FRYL: variants seen among roughly 807,000 people sequenced by gnomAD.
FRYL encodes FRY like transcription coactivator.
A neutral mutation model predicts 351.2 loss-of-function variants in FRYL; 150 were observed. The observed-to-expected ratio is 0.43, with a 90% CI of 0.37 to 0.49. The LOEUF is 0.49. Ranked by LOEUF, FRYL falls within the 20% of genes least tolerant of loss-of-function variation. The pLI is 0.00. For missense variants in FRYL, 3,036 were observed against 3,619.3 expected, an observed-to-expected ratio of 0.84 and a Z score of 4.13; for synonymous variants, 1,153 against 1,257.1, an observed-to-expected ratio of 0.92 and a Z score of 1.75.
chr4:48,718,093 G>GGAGT (rs1457475878), intron 1 of FRYL, among the ~76,000 whole-genome samples: 2 of 151,534 alleles, frequency 1.3e-5, no homozygotes, highest in African/African-American at 4.8e-5. Context: ...AGGGGAAAGG[G>GGAGT]GAGTCCTCTC....
intron 2 of FRYL, among the ~76,000 whole-genome samples, chr4:48,690,590 A>T (rs1053608475): frequency 4.6e-5 from 7 of 152,244 alleles, no homozygotes; most frequent in African/African-American, 1.7e-4. Flanking sequence ...CAAAAATTTC[A>T]ATTAATTCAT....
intron 48 of FRYL, 101 bp from the exon 49 acceptor site, chr4:48,534,786 A>T: frequency 1.4e-6 from 1 of 701,598 alleles, no homozygotes. Flanking sequence ...GATTTAGCCT[A>T]TGAGTTTATA....
chr4:48,499,587 C>G lies in FRYL; in HGVS notation c.8877G>C (p.Gln2959His), dbSNP rs766586479. The change falls in exon 64 of 64, where the codon CAG (glutamine) becomes CAC (histidine). Residue 2959 changes from glutamine to histidine, a missense_variant. This residue lies in a region of FRYL where 1,987 missense variants were observed against 2,311.7 expected (regional missense o/e 0.86). Coordinates refer to ENST00000358350, the MANE Select transcript of FRYL (RefSeq NM_015030.2). ...AGCCTATAACTGCAAAGCTTCCTGT[C>G]TGGCCCAGCGTCTGATGATGGAAAT... is the stretch of plus-strand genomic sequence containing the variant. Reference protein sequence around the residue: ...HIYFHHQTLGQTGSFAVIGSN... With the variant: ...HIYFHHQTLGHTGSFAVIGSN... 1 of 1,614,142 alleles carries G rather than the reference C, an allele frequency of 6.2e-7. No homozygotes were observed. The highest frequency in any genetic ancestry group is 1.1e-5 in the South Asian group (1 of 91,074).
At chr4:48,670,001 G>A (rs1762393123) in intron 3 of FRYL, among the ~76,000 whole-genome samples, 1 of 151,976 alleles carries the variant, frequency 6.6e-6, no homozygotes. Context: ...CACATGGGGT[G>A]CATGAGACAT....
intron 47 of FRYL, 33 bp downstream of exon 47, chr4:48,539,938 A>G (rs749574554): frequency 8.3e-6 from 12 of 1,448,122 alleles, no homozygotes; most frequent in East Asian, 4.5e-5. Context: ...TAATTTCCCT[A>G]TAGTGTTACC....
At chr4:48,700,324 A>G (rs1000584104) in intron 2 of FRYL, among the ~76,000 whole-genome samples, 6 of 152,204 alleles carry the variant, frequency 3.9e-5, no homozygotes, top group Non-Finnish European at 7.3e-5. Context: ...GGGAGGGCAA[A>G]GTGAGACACT....
chr4:48,593,624 A>C (rs1420369946), intron 16 of FRYL, among the ~76,000 whole-genome samples: 1 of 151,766 alleles, frequency 6.6e-6, no homozygotes, highest in Non-Finnish European at 1.5e-5. Context: ...TCAGCCTCCC[A>C]AAGTGCTGGG....
At chr4:48,674,944 C>T (rs1383598278) in intron 3 of FRYL, among the ~76,000 whole-genome samples, 6 of 152,076 alleles carry the variant, frequency 3.9e-5, no homozygotes, top group South Asian at 2.1e-4. Context: ...TGATATAGTG[C>T]CAAGGCCTTA....
rs1345516866 is a variant in FRYL at position 48,715,160 on chromosome 4, C to A, written c.-383-4462G>T. On this transcript the variant is annotated intron_variant, in intron 1 of 63. Transcript: ENST00000358350. ...AGCTATCTATGACAAACCCACAGCCCATATCATACTGAATGGGCAAAAACT... is the reference window on the plus strand; with the variant it reads ...AGCTATCTATGACAAACCCACAGCCAATATCATACTGAATGGGCAAAAACT... 2.7e-3 allele frequency among the ~76,000 whole-genome samples: 408 copies of A among 151,434 alleles called. 3 individuals carry two copies. Among genetic ancestry groups the A allele is most frequent in the African/African-American group, 8.8e-3 (362 of 41,308 alleles).
At chr4:48,733,695 C>CATGTATCAGCA (rs1770986453) in intron 1 of FRYL, among the ~76,000 whole-genome samples, 1 of 151,994 alleles carries the variant, frequency 6.6e-6, no homozygotes, top group South Asian at 2.1e-4. Flanking sequence ...GTAGAAGTGA[C>CATGTATCAGCA]ATGTATCAGC....
intron 3 of FRYL, among the ~76,000 whole-genome samples, chr4:48,644,228 C>T (rs2149403528): frequency 6.6e-6 from 1 of 152,206 alleles, no homozygotes; most frequent in East Asian, 1.9e-4. Context: ...AGGCATGAGC[C>T]ACCGCGCCTG....
intron 60 of FRYL, among the ~76,000 whole-genome samples, chr4:48,503,583 C>A (rs1484660178): frequency 6.6e-6 from 1 of 152,186 alleles, no homozygotes; most frequent in Non-Finnish European, 1.5e-5. Context: ...TGGATCTGGT[C>A]TCTTACGAGG....
intron 1 of FRYL, among the ~76,000 whole-genome samples, chr4:48,747,659 T>A (rs1375116154): frequency 1.3e-5 from 2 of 152,106 alleles, no homozygotes; most frequent in African/African-American, 4.8e-5. Flanking sequence ...CAAGGTAGAG[T>A]TCTACCTCAT....
intron 13 of FRYL, among the ~76,000 whole-genome samples, chr4:48,599,398 T>A (rs1170041108): frequency 1.3e-5 from 2 of 152,206 alleles, no homozygotes; most frequent in Non-Finnish European, 2.9e-5. Flanking sequence ...TCACAAGCTA[T>A]TTATGGGCAT....
intron 1 of FRYL, among the ~76,000 whole-genome samples, chr4:48,733,817 AC>A (rs1185793388): frequency 6.6e-6 from 1 of 152,082 alleles, no homozygotes; most frequent in Non-Finnish European, 1.5e-5. Flanking sequence ...GTAACACTAT[AC>A]CACTAACAAC....
At chr4:48,543,616 T>C (rs780931928) in intron 44 of FRYL, among the ~76,000 whole-genome samples, 191 bp downstream of exon 44, 3 of 152,194 alleles carry the variant, frequency 2.0e-5, no homozygotes, top group East Asian at 1.9e-4. Context: ...ACTAGAATAG[T>C]TGATTTAATT....
chr4:48,570,774 T>C, intron 27 of FRYL, 53 bp downstream of exon 27: 2 of 1,306,592 alleles, frequency 1.5e-6, no homozygotes, highest in South Asian at 2.4e-5. Context: ...CGAAAAGAGA[T>C]TACGTTCTCT....
Position 48,499,202 on chromosome 4 carries a change from T to C in FRYL, c.*220A>G. 1 of 502,868 alleles carries C rather than the reference T, an allele frequency of 2.0e-6. No homozygotes were observed. The highest frequency in any genetic ancestry group is 3.6e-6 in the Non-Finnish European group (1 of 281,678). 31.2% of individuals were successfully genotyped at this position (502,868 alleles called of 1,614,324 possible). A position where few individuals can be genotyped will look rare whatever the true frequency, so the allele number is the denominator to read the frequency against. On this transcript the variant is annotated 3_prime_UTR_variant, in exon 64 of 64. Coordinates refer to ENST00000358350, the MANE Select transcript of FRYL (RefSeq NM_015030.2). ...GTAGGTTAAGTAATTAAAAAATTCC[T>C]TCTTCACGCAGTTATTGTGGGAGAT... is the stretch of plus-strand genomic sequence containing the variant.
intron 4 of FRYL, among the ~76,000 whole-genome samples, chr4:48,623,816 C>A (rs560157612): frequency 6.6e-6 from 1 of 151,488 alleles, no homozygotes; most frequent in South Asian, 2.1e-4. Flanking sequence ...TAAAAAAAAA[C>A]AAAGAAATAC....
Sources: allele counts gnomAD v4.1 joint callset (sites outside exome capture counted in the v4.1 genomes callset), GRCh38; gene constraint gnomAD v4.1.1; regional missense constraint gnomAD v4.1.1; transcripts MANE v1.5; gene names NCBI Gene and HGNC (gene_info 2026-07-23, HGNC 2026-07-21).